FRMPD4: variants seen among roughly 807,000 people sequenced by gnomAD.
FRMPD4 encodes the protein FERM and PDZ domain-containing protein 4.
In FRMPD4, 22 loss-of-function variants were observed where a neutral mutation model predicts 94.1. That is an observed-to-expected ratio of 0.23 (90% CI 0.17 to 0.33). The LOEUF (loss-of-function observed/expected upper bound fraction) is 0.33, where lower values mean the gene tolerates loss of function less well. Among genes scored for constraint, FRMPD4 ranks in the 10% least tolerant of loss-of-function variants. The pLI is 1.00. For missense variants in FRMPD4, 1,111 were observed against 1,339.9 expected (o/e 0.83, Z 2.67); for synonymous variants, 631 against 548.6 (o/e 1.15, Z -2.10).
At chrX:11,961,772 C>T (rs1460922714) in intron 3 of FRMPD4, among the ~76,000 whole-genome samples, 1 of 111,458 alleles carries the variant, frequency 9.0e-6, no homozygotes, top group Non-Finnish European at 1.9e-5. Flanking sequence ...GCCAGCTCAA[C>T]AGTCACCTTT....
At chrX:12,470,735 A>ACCC (rs1182027091) in intron 1 of FRMPD4, among the ~76,000 whole-genome samples, 2 of 111,871 alleles carry the variant, frequency 1.8e-5, no homozygotes, top group East Asian at 5.6e-4. Context: ...TTTTCCTGAG[A>ACCC]CCCTGTATGA....
chrX:11,976,010 CAG>C (rs1261417931), intron 3 of FRMPD4, among the ~76,000 whole-genome samples: 1 of 112,095 alleles, frequency 8.9e-6, no homozygotes, highest in Non-Finnish European at 1.9e-5. Flanking sequence ...CCATTCAAAA[CAG>C]AGATTCTTTT....
intron 1 of FRMPD4, among the ~76,000 whole-genome samples, chrX:12,155,662 T>G (rs1309133535): frequency 9.2e-6 from 1 of 109,192 alleles, no homozygotes; most frequent in Admixed American, 9.8e-5. Flanking sequence ...ATGCCTCTTT[T>G]TTTGAGAGGG....
At chrX:12,691,998 G>A (rs1428584940) in intron 8 of FRMPD4, among the ~76,000 whole-genome samples, 1 of 111,689 alleles carries the variant, frequency 9.0e-6, no homozygotes, top group Non-Finnish European at 1.9e-5. Context: ...AGGGGAAATG[G>A]GCAGACATCC....
intron 1 of FRMPD4, among the ~76,000 whole-genome samples, chrX:12,386,523 G>A (rs2056399669): frequency 8.9e-6 from 1 of 112,052 alleles, no homozygotes; most frequent in Non-Finnish European, 1.9e-5. Context: ...CTGACTGCTT[G>A]TTGAATTGGT....
At chrX:12,276,315 A>G (rs1027778442) in intron 1 of FRMPD4, among the ~76,000 whole-genome samples, 3 of 112,355 alleles carry the variant, frequency 2.7e-5, no homozygotes, top group Non-Finnish European at 5.6e-5. Flanking sequence ...TCCTGAGAAC[A>G]TGTGCCCGAG....
intron 3 of FRMPD4, among the ~76,000 whole-genome samples, chrX:12,043,227 C>A (rs772481395): frequency 9.0e-6 from 1 of 111,406 alleles, no homozygotes; most frequent in Admixed American, 9.5e-5. Context: ...CCCTATGAAC[C>A]GTAAGGATTT....
chrX:11,836,330 A>C (rs1014769598), intron 1 of FRMPD4, among the ~76,000 whole-genome samples: 3 of 111,934 alleles, frequency 2.7e-5, no homozygotes, highest in African/African-American at 9.7e-5. Flanking sequence ...AGGCAGATAA[A>C]GGACTACTGA....
At chrX:12,330,815 C>A (rs1342100675) in intron 1 of FRMPD4, among the ~76,000 whole-genome samples, 1 of 111,634 alleles carries the variant, frequency 9.0e-6, no homozygotes, top group Non-Finnish European at 1.9e-5. Flanking sequence ...AAGGTATACC[C>A]TCTTGCTACC....
chrX:12,002,933 T>C (rs972804660), intron 3 of FRMPD4, among the ~76,000 whole-genome samples: 2 of 111,474 alleles, frequency 1.8e-5, no homozygotes, highest in African/African-American at 6.5e-5. Context: ...GAGGAGGGAA[T>C]GGGAACCTCT....
At chrX:12,158,735 C>A (rs920568617) in intron 1 of FRMPD4, among the ~76,000 whole-genome samples, 1 of 112,323 alleles carries the variant, frequency 8.9e-6, no homozygotes, top group African/African-American at 3.2e-5. Flanking sequence ...GATCCCCAAT[C>A]TATTCATCCA....
rs1569166169 is a variant in FRMPD4 at position 12,138,576 on chromosome X, C to T, written c.-396C>T. On this transcript the variant is annotated 5_prime_UTR_variant, in exon 1 of 17. Coordinates refer to ENST00000675598, the MANE Select transcript of FRMPD4 (RefSeq NM_001368397.1). ...GCGTGGGGCACGAGGGTCCGAGGGC[C>T]GGGAAGCCAGAGCAGCGCCTCTCGC... 3 of 263,035 alleles carry T rather than the reference C, an allele frequency of 1.1e-5. No individual in the cohort carries two copies. Among genetic ancestry groups the T allele is most frequent in the South Asian group, 5.0e-4 (2 of 3,995 alleles). The allele number at this position is 263,035 out of a possible 1,213,427, so 21.7% of individuals were successfully genotyped here.
At chrX:12,551,239 G>A (rs1226544458) in intron 2 of FRMPD4, among the ~76,000 whole-genome samples, 1 of 110,744 alleles carries the variant, frequency 9.0e-6, no homozygotes, top group Non-Finnish European at 1.9e-5. Flanking sequence ...ATGCAGTTTC[G>A]ACAATTATTA....
intron 1 of FRMPD4, among the ~76,000 whole-genome samples, chrX:12,154,793 A>T (rs1385126860): frequency 8.9e-6 from 1 of 112,585 alleles, no homozygotes; most frequent in African/African-American, 3.2e-5. Context: ...ATTCGGCTTC[A>T]TGGACTCAGT....
At chrX:12,441,702 A>ACC (rs2057138754) in intron 1 of FRMPD4, among the ~76,000 whole-genome samples, 3 of 112,364 alleles carry the variant, frequency 2.7e-5, no homozygotes, top group Admixed American at 1.9e-4. Context: ...TTTGGGAATA[A>ACC]ATGAATGGTG....
At chrX:12,492,612 C>T (rs2057804384) in intron 1 of FRMPD4, among the ~76,000 whole-genome samples, 1 of 111,846 alleles carries the variant, frequency 8.9e-6, no homozygotes, top group African/African-American at 3.3e-5. Context: ...TAGTTTTTAA[C>T]TGTGTGCTTT....
At chrX:12,186,734 G>A (rs771625286) in intron 1 of FRMPD4, among the ~76,000 whole-genome samples, 4 of 112,267 alleles carry the variant, frequency 3.6e-5, no homozygotes, top group Admixed American at 9.4e-5. Flanking sequence ...TTCATATGGT[G>A]AGAACTGGGT....
intron 4 of FRMPD4, among the ~76,000 whole-genome samples, chrX:12,631,268 C>A (rs2059393488): frequency 9.0e-6 from 1 of 111,465 alleles, no homozygotes; most frequent in African/African-American, 3.3e-5. Context: ...TCAGGCCTAC[C>A]ACTGTACTCA....
At chrX:12,081,567 C>T (rs1042517019) in intron 3 of FRMPD4, among the ~76,000 whole-genome samples, 7 of 111,437 alleles carry the variant, frequency 6.3e-5, no homozygotes, top group Non-Finnish European at 1.1e-4. Context: ...AACAACAAGG[C>T]TGACTGAAAC....
Sources: allele counts gnomAD v4.1 joint callset (sites outside exome capture counted in the v4.1 genomes callset), GRCh38; gene constraint gnomAD v4.1.1; transcripts MANE v1.5; gene names NCBI Gene and HGNC (gene_info 2026-07-23, HGNC 2026-07-21).